Variants in OPCML observed in about 807,000 individuals in gnomAD.
OPCML encodes opioid-binding protein/cell adhesion molecule.
A neutral mutation model predicts 37.8 loss-of-function variants in OPCML; 13 were observed. The observed-to-expected ratio is 0.34, with a 90% CI of 0.22 to 0.55. The LOEUF (loss-of-function observed/expected upper bound fraction) is 0.55, where lower values mean the gene tolerates loss of function less well. Among genes scored for constraint, OPCML ranks in the 20% least tolerant of loss-of-function variants. OPCML has a pLI of 0.91. For missense variants in OPCML, 341 were observed against 435.6 expected, an observed-to-expected ratio of 0.78 and a Z score of 1.93; for synonymous variants, 176 against 168.8, an observed-to-expected ratio of 1.04 and a Z score of -0.33.
intron 1 of OPCML, among the ~76,000 whole-genome samples, chr11:132,968,418 A>G (rs2136746571): frequency 1.3e-5 from 2 of 152,292 alleles, no homozygotes; most frequent in Middle Eastern, 3.4e-3. Flanking sequence ...ATCCAATGGA[A>G]AGGGGCCTGA....
chr11:133,116,976 A>G (rs1025533516), intron 1 of OPCML, among the ~76,000 whole-genome samples: 5 of 151,896 alleles, frequency 3.3e-5, no homozygotes, highest in African/African-American at 1.2e-4. Context: ...TGTAGAAGAT[A>G]TTTTTTCCTT....
rs145693474 is a variant in OPCML at position 132,511,298 on chromosome 11, A to C, written c.505+17763T>G. Among the ~76,000 whole-genome samples, 101 of 152,272 alleles carry C rather than the reference A, an allele frequency of 6.6e-4. 1 individual carries two copies. Among genetic ancestry groups the C allele is most frequent in the African/African-American group, 2.4e-3 (100 of 41,580 alleles). ...TAGCCAAGACTTAATAAAGGGAAGA[A>C]TATATTTTAAGGCTTGGAAAAACTC... On this transcript the variant is annotated intron_variant, in intron 4 of 7. Coordinates refer to ENST00000524381, the MANE Select transcript of OPCML (RefSeq NM_001012393.5).
At chr11:133,075,270 C>T (rs1948604598) in intron 1 of OPCML, among the ~76,000 whole-genome samples, 1 of 152,204 alleles carries the variant, frequency 6.6e-6, no homozygotes, top group South Asian at 2.1e-4. Context: ...GCTATGTGCT[C>T]ACCAGCCTTT....
intron 1 of OPCML, among the ~76,000 whole-genome samples, chr11:133,161,603 C>T (rs1040216742): frequency 6.6e-6 from 1 of 152,070 alleles, no homozygotes; most frequent in African/African-American, 2.4e-5. Flanking sequence ...TTGAGGTTCA[C>T]CACATAATGG....
chr11:132,866,815 T>C (rs143586062), intron 2 of OPCML, among the ~76,000 whole-genome samples: 1 of 152,246 alleles, frequency 6.6e-6, no homozygotes, highest in Non-Finnish European at 1.5e-5. Context: ...TCAGGAAACT[T>C]AAGCAACTTT....
intron 2 of OPCML, among the ~76,000 whole-genome samples, chr11:132,914,508 T>C (rs2659609): frequency 0.085 from 12,947 of 152,258 alleles, 641 homozygotes; most frequent in Middle Eastern, 0.18. Context: ...TTTGTTGTAG[T>C]TATGGCCATG....
At chr11:132,506,655 T>C (rs1288345986) in intron 4 of OPCML, among the ~76,000 whole-genome samples, 3 of 152,124 alleles carry the variant, frequency 2.0e-5, no homozygotes, top group Non-Finnish European at 4.4e-5. Context: ...AAACATTTAC[T>C]CAGCTTGAAT....
chr11:132,816,881 T>C (rs776183104), intron 2 of OPCML, among the ~76,000 whole-genome samples: 9 of 152,184 alleles, frequency 5.9e-5, no homozygotes, highest in Non-Finnish European at 1.3e-4. Flanking sequence ...CAGTTCTTTA[T>C]TGATTTCATA....
chr11:132,865,699 G>A (rs745981735), intron 2 of OPCML, among the ~76,000 whole-genome samples: 5 of 152,188 alleles, frequency 3.3e-5, no homozygotes, highest in Admixed American at 2.0e-4. Flanking sequence ...AGGCCAAATC[G>A]AGAGCAATGA....
At chr11:133,184,565 G>A (rs572000314) in intron 1 of OPCML, among the ~76,000 whole-genome samples, 37 of 152,184 alleles carry the variant, frequency 2.4e-4, no homozygotes, top group Admixed American at 7.8e-4. Context: ...AGTGTGCTCC[G>A]CTGGCCCTCC....
intron 3 of OPCML, among the ~76,000 whole-genome samples, chr11:132,597,397 G>A (rs2096494038): frequency 6.6e-6 from 1 of 152,158 alleles, no homozygotes. Context: ...TTAACATATG[G>A]CTGGCATATA....
At chr11:133,350,538 G>A (rs865944037) in intron 1 of OPCML, among the ~76,000 whole-genome samples, 2 of 152,232 alleles carry the variant, frequency 1.3e-5, no homozygotes, top group Middle Eastern at 3.4e-3. Flanking sequence ...GCATGGGAAT[G>A]TCACCCCCAC....
At chr11:132,441,178 T>TTTTGTTTTTTG (rs1411983669) in intron 4 of OPCML, among the ~76,000 whole-genome samples, 4 of 120,124 alleles carry the variant, frequency 3.3e-5, no homozygotes, top group African/African-American at 1.3e-4. Context: ...TTTTTTTTTT[T>TTTTGTTTTTTG]TTTTTTTGAG....
At chr11:133,095,863 A>G (rs1257952064) in intron 1 of OPCML, among the ~76,000 whole-genome samples, 1 of 151,960 alleles carries the variant, frequency 6.6e-6, no homozygotes, top group Non-Finnish European at 1.5e-5. Context: ...CTGTACCCTA[A>G]GAAATTATCC....
chr11:133,485,814 A>G (rs1591552985), intron 1 of OPCML, among the ~76,000 whole-genome samples: 1 of 152,222 alleles, frequency 6.6e-6, no homozygotes, highest in Non-Finnish European at 1.5e-5. Flanking sequence ...CCTGGCATGC[A>G]CATTCCCAGC....
intron 2 of OPCML, among the ~76,000 whole-genome samples, chr11:132,784,125 C>T (rs903419357): frequency 2.6e-5 from 4 of 152,118 alleles, no homozygotes; most frequent in African/African-American, 9.7e-5. Context: ...GCCCAGAAAA[C>T]CAACCCAGCT....
chr11:133,236,541 T>TAGTA (rs1565521796), intron 1 of OPCML, among the ~76,000 whole-genome samples: 1 of 152,168 alleles, frequency 6.6e-6, no homozygotes, highest in Non-Finnish European at 1.5e-5. Context: ...TAGGAATAAA[T>TAGTA]AGTAACTTCT....
chr11:133,188,768 A>G (rs1224919494), intron 1 of OPCML, among the ~76,000 whole-genome samples: 1 of 152,106 alleles, frequency 6.6e-6, no homozygotes, highest in Middle Eastern at 3.2e-3. Context: ...AAGATCTATA[A>G]ATTATCCTTG....
intron 1 of OPCML, among the ~76,000 whole-genome samples, chr11:133,073,453 C>T (rs146014697): frequency 3.9e-5 from 6 of 152,338 alleles, no homozygotes; most frequent in Non-Finnish European, 4.4e-5. Context: ...ACTCCAACCA[C>T]GGAAACCCAG....
Sources: gnomAD v4.1 joint callset for allele counts (sites outside exome capture counted in the v4.1 genomes callset) on GRCh38, gnomAD v4.1.1 for gene constraint, MANE v1.5 for transcripts, NCBI Gene and HGNC (gene_info 2026-07-23, HGNC 2026-07-21) for gene names.